PHF23: variants seen among roughly 807,000 people sequenced by gnomAD.
PHF23 encodes PHD finger protein 23, also known as PDH-containing protein JUNE-1.
PHF23 carries 3 observed loss-of-function variants against 36.0 expected under a neutral mutation model. The observed-to-expected ratio is 0.08, with a 90% CI of 0.04 to 0.22. The LOEUF (loss-of-function observed/expected upper bound fraction) is 0.22. Among genes scored for constraint, PHF23 ranks in the 10% least tolerant of loss-of-function variants. PHF23 has a pLI of 1.00. For synonymous variants in PHF23, 242 were observed against 192.5 expected, an observed-to-expected ratio of 1.26 and a Z score of -2.13; for missense variants, 475 against 513.6, an observed-to-expected ratio of 0.92 and a Z score of 0.73.
At chr17:7,237,316 C>G in intron 3 of PHF23, 69 bp downstream of exon 3, 1 of 1,323,124 alleles carries the variant, frequency 7.6e-7, no homozygotes, top group Non-Finnish European at 1.1e-6. Context: ...CAATACAGTT[C>G]TGTTTGAACA....
At chr17:7,238,780 G>A in intron 1 of PHF23, 2 of 1,530,534 alleles carry the variant, frequency 1.3e-6, no homozygotes, top group South Asian at 2.4e-5. Flanking sequence ...ACAACTACCT[G>A]CCCACCTCTC....
At chr17:7,238,052 C>G (rs1393876939) in intron 1 of PHF23, 3 of 216,352 alleles carry the variant, frequency 1.4e-5, no homozygotes, top group Non-Finnish European at 2.7e-5. Context: ...CGAGTTCCTA[C>G]CCGGCCGCGC....
chr17:7,235,480 ACACT>A lies in PHF23; in HGVS notation c.*142_*145del. On this transcript the variant is annotated 3_prime_UTR_variant, in exon 5 of 5. Transcript: ENST00000320316. ...AGGAAGGATAGGGTGGGAAAGTGAG[ACACT>A]CATTTTCAAACAAGTCTCCCTTGAG... 2 of 799,584 alleles carry A rather than the reference ACACT, an allele frequency of 2.5e-6. No homozygotes were observed. The highest frequency in any genetic ancestry group is 1.6e-5 in the South Asian group (1 of 61,352). The allele number at this position is 799,584 out of a possible 1,614,324, so 49.5% of individuals were successfully genotyped here. A position where few individuals can be genotyped will look rare whatever the true frequency, so the allele number is the denominator to read the frequency against.
upstream of PHF23, chr17:7,240,641 GAA>G (rs921225307): frequency 1.9e-6 from 1 of 536,948 alleles, no homozygotes; most frequent in African/African-American, 1.9e-5. Flanking sequence ...GGCGGGCAGA[GAA>G]AGGGGAAGAA....
At position 7,236,215 on chromosome 17, in the gene PHF23, G is replaced by A. The variant is rs761195804; in HGVS notation, c.712C>T (p.Pro238Ser). Reference protein sequence around the residue: ...RGDRLPPPGPPQAPPSDTDSE... With the variant: ...RGDRLPPPGPSQAPPSDTDSE... ...TCTGTATCACTGGGGGGTGCCTGGG[G>A]AGGCCCAGGAGGTGGGAGTCTATCC... is the stretch of plus-strand genomic sequence containing the variant. Residue 238 changes from proline to serine, a missense_variant, in exon 4 of 5, where the codon CCC (proline) becomes TCC (serine). Pro to Ser is a moderately conservative substitution (Grantham distance 74, BLOSUM62 -1). Transcript: ENST00000320316. This position sits in a 1 kb window ranked among gnomAD's most constrained non-coding sequence, Gnocchi z 5.1. The A allele has an allele frequency of 6.2e-7, 1 of 1,613,006 alleles. No homozygotes were observed. Among genetic ancestry groups the A allele is most frequent in the Admixed American group, 1.7e-5 (1 of 59,896 alleles).
At position 7,235,388 on chromosome 17, in the gene PHF23, T is replaced by TG; in HGVS notation, c.*237dup. 1.1e-4 allele frequency: 62 copies of TG among 543,454 alleles called. No individual in the cohort carries two copies. The highest frequency in any genetic ancestry group is 2.2e-4 in the Admixed American group (7 of 31,996). The allele number at this position is 543,454 out of a possible 1,614,324, so 33.7% of individuals were successfully genotyped here. A position where few individuals can be genotyped will look rare whatever the true frequency, so the allele number is the denominator to read the frequency against. On this transcript the variant is annotated 3_prime_UTR_variant, in exon 5 of 5. Coordinates refer to ENST00000320316, the MANE Select transcript of PHF23 (RefSeq NM_024297.3). ...GCAGGTCCAAGAGACAGAGATTATG[T>TG]GTCGGGACACAGACAGCCTCCCATC...
chr17:7,235,979 G>A lies in PHF23; in HGVS notation c.948C>T (p.Ser316=). 1 of 1,613,302 alleles carries A rather than the reference G, an allele frequency of 6.2e-7. No individual in the cohort carries two copies. Among genetic ancestry groups the A allele is most frequent in the Non-Finnish European group, 8.5e-7 (1 of 1,179,486 alleles). Residue 316 remains serine, a synonymous_variant, in exon 4 of 5, where the codon TCC becomes TCT. Coordinates refer to ENST00000320316, the MANE Select transcript of PHF23 (RefSeq NM_024297.3). ...TETSQDGDAS[S]SEGEMRVMDE... Reference sequence around the variant, plus strand: ...CCATGACCCGCATCTCGCCTTCACTGGAGCTGGCATCTCCATCTTGGCTTG... The same window carrying A: ...CCATGACCCGCATCTCGCCTTCACTAGAGCTGGCATCTCCATCTTGGCTTG...
rs1008414948 is a variant in PHF23 at position 7,239,080 on chromosome 17, T to C, written c.34+166A>G. 5.1e-6 allele frequency: 6 copies of C among 1,183,842 alleles called. No individual in the cohort carries two copies. The East Asian group carries it at 8.1e-5, about 16-fold the overall frequency. The allele number at this position is 1,183,842 out of a possible 1,614,324, so 73.3% of individuals were successfully genotyped here. ...ACCCCAGCCCAGTTTCCCACTCCTC[T>C]TTCTCCAAGGTCTCTCAACTCGTCG... On this transcript the variant is annotated intron_variant, in intron 1 of 4. Coordinates refer to ENST00000320316, the MANE Select transcript of PHF23 (RefSeq NM_024297.3).
chr17:7,238,716 C>A lies in PHF23; in HGVS notation c.34+530G>T, dbSNP rs2071733468. 1.0e-5 allele frequency: 15 copies of A among 1,449,392 alleles called. No individual in the cohort carries two copies. In the South Asian group the frequency reaches 1.1e-4, roughly 10 times the overall value. The allele number at this position is 1,449,392 out of a possible 1,614,324, so 89.8% of individuals were successfully genotyped here. On this transcript the variant is annotated intron_variant, in intron 1 of 4. Coordinates refer to ENST00000320316, the MANE Select transcript of PHF23 (RefSeq NM_024297.3). ...CCTGGCTCGCTCTCTCCACAACTAC[C>A]CCCCGGTACAGGTCCGTCTGCCGTA... is the stretch of plus-strand genomic sequence containing the variant.
intron 1 of PHF23, chr17:7,238,786 C>T (rs1021678486): frequency 7.8e-6 from 12 of 1,534,738 alleles, no homozygotes; most frequent in South Asian, 2.4e-5. Flanking sequence ...ACCTGCCCAC[C>T]TCTCCGACAA....
chr17:7,235,270 T>G lies in PHF23; in HGVS notation c.*356A>C. 3.6e-6 allele frequency: 1 copy of G among 279,298 alleles called. No homozygotes were observed. Among genetic ancestry groups the G allele is most frequent in the Non-Finnish European group, 7.0e-6 (1 of 143,332 alleles). The allele number at this position is 279,298 out of a possible 1,614,324, so 17.3% of individuals were successfully genotyped here. On this transcript the variant is annotated 3_prime_UTR_variant, in exon 5 of 5. Transcript: ENST00000320316. ...ATGGGGAGTGAAATAGAAGAAAAGA[T>G]GAGGGAGGGGAGTGCTAATATTTAC...
At chr17:7,240,061 A>G (rs1227087110), upstream of PHF23, 1 of 152,270 alleles carries the variant, frequency 6.6e-6, no homozygotes, top group East Asian at 1.9e-4. Context: ...TATCTTAGTT[A>G]GAATGTTCTA....
rs765395654 is a variant in PHF23, at chr17:7,237,618, G to A, written c.66+11C>T. 13 of 1,613,870 alleles carry A rather than the reference G, an allele frequency of 8.1e-6. No individual in the cohort carries two copies. In the South Asian group the frequency reaches 1.4e-4, roughly 18 times the overall value. On this transcript the variant is annotated intron_variant, in intron 2 of 4. Transcript: ENST00000320316. ...AGGGCTACTAGGCTGCAAAGGTAAG[G>A]CAAACCTCACCTGAGTCTCTGGCTT... is the stretch of plus-strand genomic sequence containing the variant.
Position 7,235,433 on chromosome 17 carries a change from A to G in PHF23, c.*193T>C. 1.6e-6 allele frequency: 1 copy of G among 621,180 alleles called. No individual in the cohort carries two copies. The allele number at this position is 621,180 out of a possible 1,614,324, so 38.5% of individuals were successfully genotyped here. Reference sequence around the variant, plus strand: ...CCCATCCCCAACCGTAATGGATTCAATTTCAAGTCCACAGAGTGGGGAGGA... The same window carrying G: ...CCCATCCCCAACCGTAATGGATTCAGTTTCAAGTCCACAGAGTGGGGAGGA... On this transcript the variant is annotated 3_prime_UTR_variant, in exon 5 of 5. Coordinates refer to ENST00000320316, the MANE Select transcript of PHF23 (RefSeq NM_024297.3).
At chr17:7,238,863 C>T in intron 1 of PHF23, 5 of 1,534,140 alleles carry the variant, frequency 3.3e-6, no homozygotes, top group East Asian at 2.5e-5. Context: ...TACCCCACCT[C>T]GGCGAACTAC....
At position 7,237,475 on chromosome 17, in the gene PHF23, T is replaced by A; in HGVS notation, c.69A>T (p.Pro23=). Reference sequence around the variant, plus strand: ...CAATTGTTCTCCGCCGTTTCTCTGGTGGCTGAAAGGAAGGAGATATGGATC... The same window carrying A: ...CAATTGTTCTCCGCCGTTTCTCTGGAGGCTGAAAGGAAGGAGATATGGATC... The part of the protein sequence containing the change: ...PPPTLKPETQ[P]PEKRRRTIED... The change falls in exon 3 of 5, where the codon CCA becomes CCT. Residue 23 remains proline, a splice_region_variant and synonymous_variant. Transcript: ENST00000320316. The A allele has an allele frequency of 6.2e-7, 1 of 1,613,914 alleles. No homozygotes were observed. Among genetic ancestry groups the A allele is most frequent in the Non-Finnish European group, 8.5e-7 (1 of 1,179,902 alleles).
chr17:7,238,870 C>T (rs2071737587), intron 1 of PHF23: 1 of 1,534,364 alleles, frequency 6.5e-7, no homozygotes, highest in African/African-American at 1.4e-5. Context: ...CCTCGGCGAA[C>T]TACCGGGCCC....
At chr17:7,237,600 C>T in intron 2 of PHF23, 29 bp downstream of exon 2, 2 of 1,613,848 alleles carry the variant, frequency 1.2e-6, no homozygotes, top group Non-Finnish European at 8.5e-7. Flanking sequence ...GGCAGGGCTA[C>T]TAGGCTGCAA....
At chr17:7,239,500 C>CCCTCCTCCTCCT (rs1464389977), upstream of PHF23, 2 of 469,040 alleles carry the variant, frequency 4.3e-6, no homozygotes, top group South Asian at 2.5e-5. Flanking sequence ...GCCGCCTGCT[C>CCCTCCTCCTCCT]CCTCCTCCTC....
Sources: allele counts gnomAD v4.1 joint callset, GRCh38; gene constraint gnomAD v4.1.1; non-coding constraint Gnocchi (gnomAD v3.1); transcripts MANE v1.5; gene names NCBI Gene and HGNC (gene_info 2026-07-23, HGNC 2026-07-21).